Variants in CACNB2 observed in about 807,000 individuals in gnomAD.
CACNB2 encodes voltage-dependent L-type calcium channel subunit beta-2.
Under a neutral mutation model 73.3 loss-of-function variants are expected in CACNB2, and 42 were observed. That is an observed-to-expected ratio of 0.57 (90% CI 0.45 to 0.74). CACNB2 has a LOEUF of 0.74. Among genes scored for constraint, CACNB2 ranks in the 30% least tolerant of loss-of-function variants. The probability of loss-of-function intolerance (pLI) is 0.00; values close to 1 mark genes in which losing one functional copy is unlikely to be tolerated. For missense variants in CACNB2, 940 were observed against 853.0 expected (o/e 1.10, Z -1.27); for synonymous variants, 348 against 310.3 (o/e 1.12, Z -1.28).
chr10:18,449,123 G>A (rs950767279), intron 3 of CACNB2, among the ~76,000 whole-genome samples: 8 of 152,188 alleles, frequency 5.3e-5, no homozygotes, highest in Admixed American at 5.2e-4. Flanking sequence ...GGTGGCTCAC[G>A]CCTGTAATCC....
chr10:18,180,078 G>A lies in CACNB2; in HGVS notation c.213+29103G>A, dbSNP rs114083433. On this transcript the variant is annotated intron_variant, in intron 2 of 13. Transcript: ENST00000324631. ...TTCTCTTCTTGGCTTCTGATTTAGCGTATCAGCGTGTATTTATGCAAGGGA... is the reference window on the plus strand; with the variant it reads ...TTCTCTTCTTGGCTTCTGATTTAGCATATCAGCGTGTATTTATGCAAGGGA... Among the ~76,000 whole-genome samples the A allele has an allele frequency of 7.6e-3, 1,164 of 152,210 alleles. 18 individuals carry two copies. The highest frequency in any genetic ancestry group is 0.025 in the African/African-American group (1,049 of 41,510).
chr10:18,450,235 T>C (rs535420256), intron 3 of CACNB2, among the ~76,000 whole-genome samples: 1 of 152,208 alleles, frequency 6.6e-6, no homozygotes, highest in Non-Finnish European at 1.5e-5. Context: ...AAGTGCATGT[T>C]TACTAAATCA....
chr10:18,228,102 G>T (rs2036070252), intron 2 of CACNB2, among the ~76,000 whole-genome samples: 1 of 152,142 alleles, frequency 6.6e-6, no homozygotes, highest in Non-Finnish European at 1.5e-5. Flanking sequence ...CAAAAGGTTG[G>T]GTTAGTTGAT....
chr10:18,380,663 C>A (rs2042979187), intron 2 of CACNB2, among the ~76,000 whole-genome samples: 1 of 151,722 alleles, frequency 6.6e-6, no homozygotes. Context: ...CCATGTTGGC[C>A]AGGCTGGTCT....
chr10:18,308,101 C>T (rs2039814680), intron 2 of CACNB2, among the ~76,000 whole-genome samples: 1 of 147,012 alleles, frequency 6.8e-6, no homozygotes, highest in Admixed American at 6.9e-5. Flanking sequence ...TCAAGCGATT[C>T]TCCTATCTCA....
intron 2 of CACNB2, among the ~76,000 whole-genome samples, chr10:18,189,133 T>C (rs908596967): frequency 3.7e-4 from 56 of 152,238 alleles, no homozygotes; most frequent in Non-Finnish European, 6.6e-4. Context: ...AACTACAGAT[T>C]GTTTGTTTTT....
rs7923242 is a variant in CACNB2, at chr10:18,466,486, G to C, written c.334-31869G>C. Among the ~76,000 whole-genome samples, 363 of 152,154 alleles carry C rather than the reference G, an allele frequency of 2.4e-3. 3 individuals carry two copies. The highest frequency in any genetic ancestry group is 8.3e-3 in the African/African-American group (344 of 41,510). On this transcript the variant is annotated intron_variant, in intron 3 of 13. Coordinates refer to ENST00000324631, the MANE Select transcript of CACNB2 (RefSeq NM_201596.3). ...GACCACAAGCAATGCTCCTGCCTCA[G>C]CCTGTCAATATTTTACCTGTATTTC...
At chr10:18,350,864 G>C (rs1366622391) in intron 2 of CACNB2, among the ~76,000 whole-genome samples, 1 of 152,206 alleles carries the variant, frequency 6.6e-6, no homozygotes, top group African/African-American at 2.4e-5. Flanking sequence ...CTGGAGTGCA[G>C]TGGCACAATC....
At chr10:18,189,856 C>G (rs2034317676) in intron 2 of CACNB2, among the ~76,000 whole-genome samples, 1 of 152,158 alleles carries the variant, frequency 6.6e-6, no homozygotes, top group Non-Finnish European at 1.5e-5. Flanking sequence ...GATGTTATTC[C>G]TTGAGATCTT....
At chr10:18,164,507 G>A (rs547447351) in intron 2 of CACNB2, among the ~76,000 whole-genome samples, 1 of 152,166 alleles carries the variant, frequency 6.6e-6, no homozygotes, top group Non-Finnish European at 1.5e-5. Flanking sequence ...CAGGCAATGG[G>A]TCTTTGGGGA....
chr10:18,442,498 T>TG (rs2046460520), intron 3 of CACNB2, among the ~76,000 whole-genome samples: 2 of 151,932 alleles, frequency 1.3e-5, no homozygotes. Context: ...TTACCTTTTT[T>TG]TTGTTGTTGT....
At chr10:18,502,488 A>T (rs1040898225) in intron 5 of CACNB2, among the ~76,000 whole-genome samples, 7 of 151,106 alleles carry the variant, frequency 4.6e-5, no homozygotes, top group African/African-American at 1.5e-4. Context: ...TAAGAGATTG[A>T]GACCATCCTG....
intron 5 of CACNB2, among the ~76,000 whole-genome samples, chr10:18,503,817 T>C (rs1359738498): frequency 6.6e-6 from 1 of 152,216 alleles, no homozygotes; most frequent in Non-Finnish European, 1.5e-5. Flanking sequence ...TTCTAGGTAA[T>C]AGAAAGTTAC....
At chr10:18,465,580 C>T (rs2047833275) in intron 3 of CACNB2, among the ~76,000 whole-genome samples, 1 of 152,152 alleles carries the variant, frequency 6.6e-6, no homozygotes, top group Non-Finnish European at 1.5e-5. Context: ...TTCATGTGGT[C>T]CTGGTTACTT....
At chr10:18,463,678 C>G (rs554936844) in intron 3 of CACNB2, among the ~76,000 whole-genome samples, 4 of 151,868 alleles carry the variant, frequency 2.6e-5, no homozygotes, top group Admixed American at 2.6e-4. Flanking sequence ...AAGTAGTCTG[C>G]CCACCCTGGC....
At chr10:18,376,722 T>G (rs888137453) in intron 2 of CACNB2, among the ~76,000 whole-genome samples, 1 of 152,086 alleles carries the variant, frequency 6.6e-6, no homozygotes, top group African/African-American at 2.4e-5. Context: ...GGGGCAGACA[T>G]CTTTCCAGCT....
intron 2 of CACNB2, among the ~76,000 whole-genome samples, chr10:18,166,279 A>G (rs1233705113): frequency 1.3e-5 from 2 of 151,804 alleles, no homozygotes; most frequent in Non-Finnish European, 2.9e-5. Context: ...TTTTTTTGAG[A>G]CAGACTGTAG....
At chr10:18,434,112 A>T (rs2046018911) in intron 3 of CACNB2, among the ~76,000 whole-genome samples, 1 of 152,212 alleles carries the variant, frequency 6.6e-6, no homozygotes, top group Admixed American at 6.5e-5. Flanking sequence ...AATTTTGGCC[A>T]TGAACTGAAA....
chr10:18,265,857 G>T (rs2037774833), intron 2 of CACNB2, among the ~76,000 whole-genome samples: 1 of 152,270 alleles, frequency 6.6e-6, no homozygotes, highest in South Asian at 2.1e-4. Context: ...AGGGGAGTTT[G>T]CTGTCTACTT....
Sources: allele counts gnomAD v4.1 joint callset (sites outside exome capture counted in the v4.1 genomes callset), GRCh38; gene constraint gnomAD v4.1.1; transcripts MANE v1.5; gene names NCBI Gene and HGNC (gene_info 2026-07-23, HGNC 2026-07-21).